IFT80: variants seen among roughly 807,000 people sequenced by gnomAD.
IFT80 encodes intraflagellar transport protein 80 homolog.
In IFT80, 79 loss-of-function variants were observed where a neutral mutation model predicts 107.9. The ratio of observed to expected loss-of-function variants is 0.73; its 90% confidence interval spans 0.61 to 0.88. The LOEUF (loss-of-function observed/expected upper bound fraction) is 0.88. Among genes scored for constraint, IFT80 ranks in the 40% least tolerant of loss-of-function variants. The pLI is 0.00. For synonymous variants in IFT80, 299 were observed against 300.9 expected, an observed-to-expected ratio of 0.99 and a Z score of 0.07; for missense variants, 797 against 914.2, an observed-to-expected ratio of 0.87 and a Z score of 1.65.
intron 12 of IFT80, chr3:160,299,317 T>C: frequency 1.2e-6 from 1 of 830,866 alleles, no homozygotes; most frequent in Middle Eastern, 3.0e-4. Flanking sequence ...AGAGTTATAT[T>C]TCCTGCCAGT....
intron 9 of IFT80, among the ~76,000 whole-genome samples, chr3:160,313,037 TATA>T (rs1449695918): frequency 7.8e-5 from 7 of 89,942 alleles, no homozygotes; most frequent in Admixed American, 3.9e-4. Context: ...TATATATAAA[TATA>T]TAATATATAA....
intron 1 of IFT80, among the ~76,000 whole-genome samples, 185 bp from the exon 2 acceptor site, chr3:160,384,831 G>A (rs776692508): frequency 7.9e-5 from 12 of 152,214 alleles, no homozygotes; most frequent in African/African-American, 1.4e-4. Context: ...ATGACGGAGA[G>A]CTTTGGGCTG....
At chr3:160,353,194 G>C (rs1008126817) in intron 8 of IFT80, among the ~76,000 whole-genome samples, 5 of 152,022 alleles carry the variant, frequency 3.3e-5, no homozygotes, top group African/African-American at 1.2e-4. Flanking sequence ...TCCAACATTT[G>C]AATACTACCA....
intron 19 of IFT80, among the ~76,000 whole-genome samples, chr3:160,267,991 A>G (rs958680232): frequency 2.6e-5 from 4 of 152,308 alleles, no homozygotes; most frequent in Admixed American, 2.6e-4. Context: ...TAGGAGGTGC[A>G]ACCTAGCTTT....
chr3:160,288,098 A>G (rs1467338194), intron 12 of IFT80, among the ~76,000 whole-genome samples: 1 of 152,224 alleles, frequency 6.6e-6, no homozygotes, highest in Non-Finnish European at 1.5e-5. Flanking sequence ...TAATCCCAGC[A>G]CTTTGGGAGG....
At chr3:160,341,353 A>C (rs888576351) in intron 8 of IFT80, among the ~76,000 whole-genome samples, 23 of 152,290 alleles carry the variant, frequency 1.5e-4, no homozygotes, top group African/African-American at 5.5e-4. Context: ...TAAAAAAAAA[A>C]AAAACCTAAA....
intron 8 of IFT80, among the ~76,000 whole-genome samples, chr3:160,331,863 C>T (rs1365603877): frequency 6.6e-6 from 1 of 152,042 alleles, no homozygotes; most frequent in Non-Finnish European, 1.5e-5. Flanking sequence ...GTCTATGTTG[C>T]CCAGGCTGCT....
In IFT80 at chr3:160,332,925, A is replaced by T. The variant is rs76372541; in HGVS notation, c.778-12986T>A. Among the ~76,000 whole-genome samples the T allele has an allele frequency of 3.5e-3, 539 of 152,286 alleles. 2 individuals are homozygous for T. The highest frequency in any genetic ancestry group is 0.012 in the African/African-American group (506 of 41,556). ...AGTTAGTTGCCATCATGTGTTGCTTAATGAAGGGGATGCATTCTGAGAAAT... is the reference window on the plus strand; with the variant it reads ...AGTTAGTTGCCATCATGTGTTGCTTTATGAAGGGGATGCATTCTGAGAAAT... On this transcript the variant is annotated intron_variant, in intron 8 of 19. Transcript: ENST00000326448.
chr3:160,331,559 T>G (rs533996782), intron 8 of IFT80, among the ~76,000 whole-genome samples: 1 of 152,312 alleles, frequency 6.6e-6, no homozygotes, highest in East Asian at 1.9e-4. Flanking sequence ...AATTTCCCAA[T>G]TGTCATTTTT....
At chr3:160,353,306 A>G (rs1720847603) in intron 8 of IFT80, among the ~76,000 whole-genome samples, 1 of 152,154 alleles carries the variant, frequency 6.6e-6, no homozygotes, top group African/African-American at 2.4e-5. Context: ...TAGACGCTCA[A>G]ACAGTATAAC....
In IFT80 at chr3:160,268,529, C is replaced by A. The variant is rs748643921; in HGVS notation, c.2107G>T (p.Glu703Ter). Residue 703 changes from glutamate to a stop codon, truncating the protein, a stop_gained, in exon 19 of 20, where the codon GAA becomes TAA. Coordinates refer to ENST00000326448, the MANE Select transcript of IFT80 (RefSeq NM_020800.3). LOFTEE classifies it high-confidence loss of function. Reference sequence around the variant, plus strand: ...TGTGTTTTGTATTTTACAGCCAATTCCAGTGCCCTATAATGAGAAATAAAA... The same window carrying A: ...TGTGTTTTGTATTTTACAGCCAATTACAGTGCCCTATAATGAGAAATAAAA... ...INLYNWERAL[E>*]LAVKYKTHVD... is the part of the protein sequence containing the mutation. The A allele has an allele frequency of 1.2e-6, 2 of 1,613,078 alleles. No individual in the cohort carries two copies. Among genetic ancestry groups the A allele is most frequent in the African/African-American group, 2.7e-5 (2 of 74,852 alleles).
At chr3:160,373,499 A>AT (rs1226593242) in intron 5 of IFT80, 2 of 152,514 alleles carry the variant, frequency 1.3e-5, no homozygotes, top group Non-Finnish European at 2.9e-5. Context: ...GTGGAAGACA[A>AT]TTTTTCCATG....
intron 8 of IFT80, among the ~76,000 whole-genome samples, chr3:160,337,196 A>G (rs941286763): frequency 6.6e-6 from 1 of 152,210 alleles, no homozygotes; most frequent in African/African-American, 2.4e-5. Flanking sequence ...GCTCACAATC[A>G]GTCCTGATTT....
intron 8 of IFT80, among the ~76,000 whole-genome samples, chr3:160,332,855 CTGGGG>C (rs1268922117): frequency 6.6e-6 from 1 of 152,126 alleles, no homozygotes; most frequent in Non-Finnish European, 1.5e-5. Flanking sequence ...TTTGGTTACC[CTGGGG>C]TATATATATC....
chr3:160,361,705 A>G (rs1721505982), intron 6 of IFT80, among the ~76,000 whole-genome samples: 1 of 152,188 alleles, frequency 6.6e-6, no homozygotes, highest in Admixed American at 6.5e-5. Flanking sequence ...TCAAATTAGA[A>G]CTCAGGATTA....
chr3:160,397,982 C>T (rs116887353), intron 1 of IFT80, among the ~76,000 whole-genome samples: 1 of 152,166 alleles, frequency 6.6e-6, no homozygotes, highest in East Asian at 1.9e-4. Flanking sequence ...GATACCTCCC[C>T]AACTCAGGTT....
chr3:160,315,406 C>A (rs1304962986), intron 9 of IFT80, among the ~76,000 whole-genome samples: 1 of 152,096 alleles, frequency 6.6e-6, no homozygotes, highest in Admixed American at 6.5e-5. Flanking sequence ...GGGTAAAGAT[C>A]TTGGGGCCTA....
At chr3:160,286,558 T>C (rs193183790) in intron 12 of IFT80, among the ~76,000 whole-genome samples, 5 of 152,326 alleles carry the variant, frequency 3.3e-5, no homozygotes, top group Non-Finnish European at 1.5e-5. Flanking sequence ...TCTGTATTTC[T>C]TCCTGCAATA....
At chr3:160,320,039 A>G in intron 8 of IFT80, 100 bp from the exon 9 acceptor site, 1 of 780,468 alleles carries the variant, frequency 1.3e-6, no homozygotes, top group South Asian at 1.6e-5. Context: ...CATTTTTAAA[A>G]GAATGTCTAT....
Sources: allele counts gnomAD v4.1 joint callset (sites outside exome capture counted in the v4.1 genomes callset), GRCh38; gene constraint gnomAD v4.1.1; transcripts MANE v1.5; gene names NCBI Gene and HGNC (gene_info 2026-07-23, HGNC 2026-07-21).